Variants in PRR14L observed in about 807,000 individuals in gnomAD.
PRR14L encodes the protein proline rich 14 like, also known as protein PRR14L.
Under a neutral mutation model 155.0 loss-of-function variants are expected in PRR14L, and 80 were observed. The ratio of observed to expected loss-of-function variants is 0.52; its 90% CI spans 0.43 to 0.62. The LOEUF is 0.62. Among genes scored for constraint, PRR14L ranks in the 20% least tolerant of loss-of-function variants. PRR14L has a pLI of 0.00. For missense variants in PRR14L, 2,469 were observed against 2,548.0 expected, an observed-to-expected ratio of 0.97 and a Z score of 0.67; for synonymous variants, 883 against 916.0, an observed-to-expected ratio of 0.96 and a Z score of 0.65.
In PRR14L at chr22:31,714,536, C is replaced by G; in HGVS notation, c.3303G>C (p.Leu1101=). The G allele has an allele frequency of 6.4e-7, 1 of 1,552,074 alleles. No individual in the cohort carries two copies. The highest frequency in any genetic ancestry group is 8.7e-7 in the Non-Finnish European group (1 of 1,147,078). The part of the protein sequence containing the change: ...DSRSTLSRRE[L]DAAHTGTTGQ... ...CAGTTGTTCCTGTATGTGCAGCATC[C>G]AGTTCTCTCCGAGACAAGGTACTCC... Residue 1101 remains leucine (L), a synonymous_variant, in exon 4 of 9, where the codon CTG becomes CTC. Transcript: ENST00000327423.
At chr22:31,689,269 G>A (rs2147851640) in intron 7 of PRR14L, among the ~76,000 whole-genome samples, 1 of 152,220 alleles carries the variant, frequency 6.6e-6, no homozygotes, top group African/African-American at 2.4e-5. Flanking sequence ...GAATTGTTGA[G>A]CCCAAGAGTT....
Position 31,715,030 on chromosome 22 carries a change from C to A in PRR14L, c.2809G>T (p.Gly937Cys). 1.9e-6 allele frequency: 3 copies of A among 1,551,918 alleles called. No homozygotes were observed. The highest frequency in any genetic ancestry group is 2.6e-6 in the Non-Finnish European group (3 of 1,146,968). The stretch of plus-strand genomic sequence containing the variant: ...GACTGGTCCAACACTTTTTCAGGAC[C>A]TGGAATGTTTACAGTCTGGTTTAGT... The part of the protein sequence containing the change: ...QELNQTVNIP[G>C]PEKVLDQSPT... Residue 937 changes from glycine (G) to cysteine (C), a missense_variant, in exon 4 of 9, where the codon GGT (glycine) becomes TGT (cysteine). Gly to Cys is a radical substitution (Grantham distance 159). This residue lies in a region of PRR14L where 2,363 missense variants were observed against 2,371.6 expected (regional missense o/e 1.00). Coordinates refer to ENST00000327423, the MANE Select transcript of PRR14L (RefSeq NM_173566.3).
intron 3 of PRR14L, among the ~76,000 whole-genome samples, chr22:31,722,734 G>T (rs1248742992): frequency 6.6e-6 from 1 of 151,930 alleles, no homozygotes; most frequent in African/African-American, 2.4e-5. Flanking sequence ...GGGTTTCACT[G>T]TGTTAGCCAA....
chr22:31,692,088 G>A (rs1428354179), intron 7 of PRR14L, among the ~76,000 whole-genome samples: 5 of 152,014 alleles, frequency 3.3e-5, no homozygotes, highest in African/African-American at 4.8e-5. Context: ...GGCTGGTCTC[G>A]AACTCCTGAC....
In PRR14L at chr22:31,716,810, T is replaced by C. The variant is rs991959199; in HGVS notation, c.1029A>G (p.Ser343=). Residue 343 remains serine (S), a synonymous_variant, in exon 4 of 9, where the codon TCA becomes TCG. Transcript: ENST00000327423. ...TSPLKENSEV[S]CFTSDLSGPE... The stretch of plus-strand genomic sequence containing the variant: ...GACCAGACAAGTCTGATGTGAAACA[T>C]GAAACTTCAGAATTTTCTTTCAAAG... 3 of 1,551,780 alleles carry C rather than the reference T, an allele frequency of 1.9e-6. No homozygotes were observed. Among genetic ancestry groups the C allele is most frequent in the Admixed American group, 2.0e-5 (1 of 50,982 alleles).
intron 1 of PRR14L, among the ~76,000 whole-genome samples, chr22:31,744,186 G>A (rs1251248688): frequency 1.3e-5 from 2 of 149,378 alleles, no homozygotes; most frequent in African/African-American, 5.0e-5. Context: ...AGGCTGGAGT[G>A]CAACAGTGCG....
intron 6 of PRR14L, 52 bp from the exon 7 acceptor site, chr22:31,701,814 T>G (rs1378229683): frequency 6.9e-7 from 1 of 1,444,816 alleles, no homozygotes; most frequent in Non-Finnish European, 9.6e-7. Flanking sequence ...ACATTTTATT[T>G]ATATATTTTT....
At chr22:31,711,776 CA>C (rs757790329) in intron 4 of PRR14L, among the ~76,000 whole-genome samples, 1,005 of 48,724 alleles carry the variant, frequency 0.021, 11 homozygotes, top group Admixed American at 0.088. Flanking sequence ...AAGAGTTAAT[CA>C]AAAAAAAAAA....
In PRR14L at chr22:31,716,069, G is replaced by C; in HGVS notation, c.1770C>G (p.Pro590=). The C allele has an allele frequency of 2.6e-6, 4 of 1,550,784 alleles. No homozygotes were observed. The highest frequency in any genetic ancestry group is 3.5e-6 in the Non-Finnish European group (4 of 1,146,968). Residue 590 remains proline (P), a synonymous_variant, in exon 4 of 9, where the codon CCC becomes CCG. Transcript: ENST00000327423. The part of the protein sequence containing the change: ...QISPVSEVLK[P]KQGTALLLPS... ...GTAGCAACAGAGCAGTACCTTGCTT[G>C]GGTTTTAATACCTCACTTACAGGAC...
chr22:31,727,935 T>C (rs1456247338), intron 2 of PRR14L, among the ~76,000 whole-genome samples: 2 of 150,058 alleles, frequency 1.3e-5, no homozygotes, highest in Non-Finnish European at 3.0e-5. Flanking sequence ...GCCAAGATCA[T>C]GCCACTGCAC....
rs932974213 is a variant in PRR14L at position 31,714,993 on chromosome 22, A to G, written c.2846T>C (p.Met949Thr). The change falls in exon 4 of 9, where the codon ATG (methionine) becomes ACG (threonine). Residue 949 changes from methionine to threonine, a missense_variant. By Grantham distance (81) the Met-to-Thr change is moderately conservative. Coordinates refer to ENST00000327423, the MANE Select transcript of PRR14L (RefSeq NM_173566.3). Reference sequence around the variant, plus strand: ...TTTTACATTTTTAAAACTGGAGAACATAACAGTAGGAGACTGGTCCAACAC... The same window carrying G: ...TTTTACATTTTTAAAACTGGAGAACGTAACAGTAGGAGACTGGTCCAACAC... ...EKVLDQSPTV[M>T]FSSFKNVKSV... is the part of the protein sequence containing the mutation. The G allele has an allele frequency of 5.5e-5, 86 of 1,552,068 alleles. No individual in the cohort carries two copies. The highest frequency in any genetic ancestry group is 1.2e-4 in the East Asian group (5 of 40,942).
At chr22:31,704,615 A>ACGCACACG in intron 5 of PRR14L, 40 bp downstream of exon 5, 1 of 1,551,302 alleles carries the variant, frequency 6.4e-7, no homozygotes, top group East Asian at 2.2e-5. Flanking sequence ...GCACACACAC[A>ACGCACACG]CGCACACGCG....
intron 7 of PRR14L, 84 bp from the exon 8 acceptor site, chr22:31,688,311 G>A: frequency 7.1e-7 from 1 of 1,407,888 alleles, no homozygotes; most frequent in Non-Finnish European, 9.3e-7. Flanking sequence ...TGCCCAGGCT[G>A]AAGGGCAGTG....
intron 2 of PRR14L, among the ~76,000 whole-genome samples, chr22:31,726,160 G>A (rs1165257956): frequency 6.6e-6 from 1 of 151,804 alleles, no homozygotes; most frequent in African/African-American, 2.4e-5. Context: ...AACTTTTTTA[G>A]AGGCAGAGGT....
intron 1 of PRR14L, among the ~76,000 whole-genome samples, chr22:31,743,498 AT>A (rs2147878502): frequency 1.3e-5 from 2 of 152,216 alleles, no homozygotes; most frequent in Non-Finnish European, 2.9e-5. Context: ...TAAAAAAATG[AT>A]TTCTTTTAAA....
intron 2 of PRR14L, among the ~76,000 whole-genome samples, chr22:31,726,651 T>C (rs556814334): frequency 1.4e-4 from 22 of 152,312 alleles, no homozygotes; most frequent in African/African-American, 3.6e-4. Context: ...GGCTGAATGT[T>C]TGAGGTGTGA....
In PRR14L at chr22:31,738,571, G is replaced by T. The variant is rs1356320981; in HGVS notation, c.290C>A (p.Ser97Tyr). 4.5e-6 allele frequency: 7 copies of T among 1,551,970 alleles called. No homozygotes were observed. The Admixed American group carries it at 1.4e-4, about 30-fold the overall frequency. Reference protein sequence around the residue: ...SEPGRCGLVDSTAGGSVASGI... With the variant: ...SEPGRCGLVDYTAGGSVASGI... Reference sequence around the variant, plus strand: ...AGATGCCACAGAACCTCCTGCTGTGGAGTCCACTAGCCCACATCGCCCAGG... The same window carrying T: ...AGATGCCACAGAACCTCCTGCTGTGTAGTCCACTAGCCCACATCGCCCAGG... The change falls in exon 2 of 9, where the codon TCC becomes TAC. Residue 97 changes from serine (S) to tyrosine (Y), a missense_variant. Around this residue, in one of 2 missense-constraint regions of PRR14L, gnomAD observed 2,363 missense variants for 2,371.6 expected, o/e 1.00. Transcript: ENST00000327423.
At chr22:31,730,517 C>T (rs1049291448) in intron 2 of PRR14L, among the ~76,000 whole-genome samples, 1 of 152,138 alleles carries the variant, frequency 6.6e-6, no homozygotes, top group Admixed American at 6.5e-5. Context: ...GGGCAGTGTC[C>T]TATCAGGAGG....
chr22:31,729,313 G>A (rs1406104424), intron 2 of PRR14L, among the ~76,000 whole-genome samples: 2 of 152,050 alleles, frequency 1.3e-5, no homozygotes, highest in South Asian at 2.1e-4. Flanking sequence ...CCGGGTTCAC[G>A]CCATTCTCCT....
Sources: gnomAD v4.1 joint callset for allele counts (sites outside exome capture counted in the v4.1 genomes callset) on GRCh38, gnomAD v4.1.1 for gene constraint, gnomAD v4.1.1 regional missense constraint, MANE v1.5 for transcripts, NCBI Gene and HGNC (gene_info 2026-07-23, HGNC 2026-07-21) for gene names.